Variants in PPIG observed in about 807,000 individuals in gnomAD.
PPIG encodes the protein peptidyl-prolyl cis-trans isomerase G.
In PPIG, 26 loss-of-function variants were observed where a neutral mutation model predicts 87.9. The observed-to-expected ratio is 0.30, with a 90% confidence interval of 0.22 to 0.41. The LOEUF (loss-of-function observed/expected upper bound fraction) is 0.41. Among genes scored for constraint, PPIG ranks in the 10% least tolerant of loss-of-function variants. The pLI, the probability that PPIG is intolerant of heterozygous loss-of-function variation, is 1.00. For missense variants in PPIG, 722 were observed against 879.4 expected (o/e 0.82, Z 2.26); for synonymous variants, 308 against 276.5 (o/e 1.11, Z -1.13).
intron 12 of PPIG, 65 bp from the exon 13 acceptor site, chr2:169,636,027 C>T (rs1289211746): frequency 7.6e-7 from 1 of 1,321,118 alleles, no homozygotes; most frequent in Non-Finnish European, 1.0e-6. Flanking sequence ...CCCTCCCTCC[C>T]AGCACCCATG....
At chr2:169,587,585 T>G (rs1393570432) in intron 1 of PPIG, among the ~76,000 whole-genome samples, 1 of 152,220 alleles carries the variant, frequency 6.6e-6, no homozygotes, top group Non-Finnish European at 1.5e-5. Flanking sequence ...TTCATGTTGC[T>G]TAAGTGTCGG....
rs375727248 is a variant in PPIG at position 169,633,138 on chromosome 2, C to A, written c.930-22C>A. 7 of 1,549,990 alleles carry A rather than the reference C, an allele frequency of 4.5e-6. No homozygotes were observed. In the African/African-American group the frequency reaches 9.5e-5, roughly 21 times the overall value. ...AAAAGTTTTTAAAAAAATGTGTTAA[C>A]TTTCTGTTTGCTTCCTTCTAGTAAT... is the stretch of plus-strand genomic sequence containing the variant. On this transcript the variant is annotated intron_variant, in intron 11 of 13. Coordinates refer to ENST00000260970, the MANE Select transcript of PPIG (RefSeq NM_004792.3).
At chr2:169,613,023 C>T in intron 7 of PPIG, among the ~76,000 whole-genome samples, 1 of 152,160 alleles carries the variant, frequency 6.6e-6, no homozygotes, top group East Asian at 1.9e-4. Flanking sequence ...CTATGTGTAT[C>T]TGTAAATTAC....
chr2:169,624,391 G>T (rs766124729), intron 9 of PPIG, among the ~76,000 whole-genome samples: 1 of 152,160 alleles, frequency 6.6e-6, no homozygotes, highest in Non-Finnish European at 1.5e-5. Context: ...AGCAAACTGC[G>T]TAATCTAAAC....
intron 12 of PPIG, among the ~76,000 whole-genome samples, chr2:169,635,526 AAT>A (rs1686157093): frequency 6.6e-6 from 1 of 152,222 alleles, no homozygotes; most frequent in African/African-American, 2.4e-5. Context: ...AGTCCTGTAG[AAT>A]ATGAGTTCCA....
At chr2:169,625,139 CATTATT>C (rs1434902039) in intron 9 of PPIG, among the ~76,000 whole-genome samples, 1 of 152,122 alleles carries the variant, frequency 6.6e-6, no homozygotes, top group Non-Finnish European at 1.5e-5. Context: ...ATGTACAATA[CATTATT>C]ATTAACTGTT....
chr2:169,635,684 T>A (rs1274955650), intron 12 of PPIG, among the ~76,000 whole-genome samples: 2 of 152,304 alleles, frequency 1.3e-5, no homozygotes, highest in East Asian at 3.9e-4. Context: ...TTTGAAACAT[T>A]AAGTATATAT....
At chr2:169,606,471 A>G (rs1685326116) in intron 5 of PPIG, among the ~76,000 whole-genome samples, 1 of 151,816 alleles carries the variant, frequency 6.6e-6, no homozygotes, top group South Asian at 2.1e-4. Context: ...ACGTGGCTGT[A>G]GTCCCAGCTA....
chr2:169,628,332 T>A (rs1685949048), intron 9 of PPIG, among the ~76,000 whole-genome samples: 1 of 152,172 alleles, frequency 6.6e-6, no homozygotes, highest in Admixed American at 6.5e-5. Context: ...AGTGAAGCCA[T>A]TACATCTACG....
chr2:169,595,771 C>T (rs1038512165), intron 1 of PPIG, among the ~76,000 whole-genome samples: 3 of 152,098 alleles, frequency 2.0e-5, no homozygotes, highest in Admixed American at 1.3e-4. Context: ...AATAGTACTC[C>T]GTTGTGTATA....
chr2:169,613,295 T>C (rs950803752), intron 7 of PPIG, among the ~76,000 whole-genome samples: 1 of 152,238 alleles, frequency 6.6e-6, no homozygotes, highest in Admixed American at 6.5e-5. Flanking sequence ...ATTAATTTTA[T>C]AATTAGGTAA....
intron 9 of PPIG, among the ~76,000 whole-genome samples, chr2:169,622,067 TATAA>T (rs1685772809): frequency 6.6e-6 from 1 of 151,998 alleles, no homozygotes; most frequent in African/African-American, 2.4e-5. Flanking sequence ...CTAAAAAATA[TATAA>T]ATAAATAAAG....
At chr2:169,587,191 C>T (rs1473387072) in intron 1 of PPIG, among the ~76,000 whole-genome samples, 1 of 151,904 alleles carries the variant, frequency 6.6e-6, no homozygotes, top group Non-Finnish European at 1.5e-5. Context: ...CCTCCGCCTC[C>T]CAAAGTGCTG....
chr2:169,625,219 AC>A, intron 9 of PPIG, among the ~76,000 whole-genome samples: 1 of 152,322 alleles, frequency 6.6e-6, no homozygotes, highest in African/African-American at 2.4e-5. Context: ...GAAACTTTGT[AC>A]CCTAGTTTTA....
chr2:169,641,139 C>G lies in PPIG; in HGVS notation c.*3616C>G, dbSNP rs1686301877. ...TGGGATGTACAAAATTGTGGCCGCT[C>G]TCTTTGTGGAAGGAAAAAACATAAA... On this transcript the variant is annotated 3_prime_UTR_variant, in exon 14 of 14. Coordinates refer to ENST00000260970, the MANE Select transcript of PPIG (RefSeq NM_004792.3). 1 of 87,914 alleles carries G rather than the reference C, an allele frequency of 1.1e-5. No individual in the cohort carries two copies. The highest frequency in any genetic ancestry group is 3.5e-4 in the South Asian group (1 of 2,856). The allele number at this position is 87,914 out of a possible 1,614,324, so 5.4% of individuals were successfully genotyped here. A position where few individuals can be genotyped will look rare whatever the true frequency, so the allele number is the denominator to read the frequency against.
Position 169,630,775 on chromosome 2 carries a change from TAAGA to T in PPIG, c.555_558del (p.Glu186LysfsTer100), listed in dbSNP as rs779292947. 3 of 1,588,928 alleles carry T rather than the reference TAAGA, an allele frequency of 1.9e-6. No individual in the cohort carries two copies. Among genetic ancestry groups the T allele is most frequent in the African/African-American group, 2.7e-5 (2 of 73,138 alleles). On this transcript the variant is annotated frameshift_variant and splice_region_variant, in exon 10 of 14. Coordinates refer to ENST00000260970, the MANE Select transcript of PPIG (RefSeq NM_004792.3). LOFTEE classifies it high-confidence loss of function. ...AAAACCTTTTTGTTTTTATTAAAGT[TAAGA>T]AAGAAGAAAAGAAAAGGCATAAATC...
At chr2:169,636,017 C>G in intron 12 of PPIG, 75 bp from the exon 13 acceptor site, 1 of 1,159,688 alleles carries the variant, frequency 8.6e-7, no homozygotes, top group Non-Finnish European at 1.2e-6. Flanking sequence ...CCCAGTACTT[C>G]CCTCCCTCCC....
chr2:169,628,649 A>G (rs552336068), intron 9 of PPIG, among the ~76,000 whole-genome samples: 43 of 152,218 alleles, frequency 2.8e-4, no homozygotes, highest in Non-Finnish European at 5.7e-4. Flanking sequence ...CATCTTCATA[A>G]ATAAACAAGG....
At chr2:169,633,016 T>G in intron 11 of PPIG, 144 bp from the exon 12 acceptor site, 1 of 645,838 alleles carries the variant, frequency 1.5e-6, no homozygotes, top group African/African-American at 1.8e-5. Flanking sequence ...GACCTCATGA[T>G]CCGCCCACCT....
Sources: allele counts gnomAD v4.1 joint callset (sites outside exome capture counted in the v4.1 genomes callset), GRCh38; gene constraint gnomAD v4.1.1; transcripts MANE v1.5; gene names NCBI Gene and HGNC (gene_info 2026-07-23, HGNC 2026-07-21).